Variants in PHACTR3 observed in about 807,000 individuals in gnomAD.
The protein encoded by PHACTR3 is phosphatase and actin regulator 3, also known as protein phosphatase 1, regulatory subunit 123.
PHACTR3 carries 16 observed loss-of-function variants against 66.8 expected under a neutral mutation model. The ratio of observed to expected loss-of-function variants is 0.24; its 90% confidence interval spans 0.16 to 0.36. The LOEUF is 0.36. PHACTR3 is among the 10% of genes least tolerant of loss of function. PHACTR3 has a pLI of 1.00. For synonymous variants in PHACTR3, 323 were observed against 292.1 expected, an observed-to-expected ratio of 1.11 and a Z score of -1.08; for missense variants, 647 against 719.9, an observed-to-expected ratio of 0.90 and a Z score of 1.16.
chr20:59,592,461 C>G (rs917223122), intron 1 of PHACTR3, among the ~76,000 whole-genome samples: 1 of 152,212 alleles, frequency 6.6e-6, no homozygotes, highest in African/African-American at 2.4e-5. Flanking sequence ...GAAGATCACC[C>G]ACAGTCCCTG....
intron 4 of PHACTR3, among the ~76,000 whole-genome samples, chr20:59,764,916 T>A (rs1336530347): frequency 6.6e-6 from 1 of 152,210 alleles, no homozygotes; most frequent in African/African-American, 2.4e-5. Flanking sequence ...GCTCACCCCA[T>A]GCCTGGTGGT....
intron 4 of PHACTR3, among the ~76,000 whole-genome samples, chr20:59,763,484 G>T (rs974763190): frequency 1.3e-5 from 2 of 152,208 alleles, no homozygotes; most frequent in East Asian, 3.8e-4. Context: ...ATGGGTTGAT[G>T]GTTGAATGAG....
At chr20:59,670,039 T>C (rs2036137870) in intron 1 of PHACTR3, among the ~76,000 whole-genome samples, 1 of 152,242 alleles carries the variant, frequency 6.6e-6, no homozygotes, top group Non-Finnish European at 1.5e-5. Flanking sequence ...TCTTGGGTGC[T>C]GTGCAAGGCA....
chr20:59,770,584 C>T (rs755317075), intron 5 of PHACTR3, among the ~76,000 whole-genome samples: 12 of 152,174 alleles, frequency 7.9e-5, no homozygotes, highest in East Asian at 1.9e-4. Flanking sequence ...ATCAGGGTGC[C>T]GGCAGATTTG....
At chr20:59,831,122 C>T (rs913738321) in intron 8 of PHACTR3, among the ~76,000 whole-genome samples, 4 of 152,200 alleles carry the variant, frequency 2.6e-5, no homozygotes, top group Admixed American at 6.5e-5. Context: ...GTGTGAGAGG[C>T]ACTCGGAACC....
At position 59,829,952 on chromosome 20, in the gene PHACTR3, T is replaced by C. The variant is rs2145461643; in HGVS notation, c.1329-6553T>C. ...GAAGCAAAGCTTGGGGAGCTGGAACTATGCTTCTCCTGACCCCGTGTCCTT... is the reference window on the plus strand; with the variant it reads ...GAAGCAAAGCTTGGGGAGCTGGAACCATGCTTCTCCTGACCCCGTGTCCTT... On this transcript the variant is annotated intron_variant, in intron 8 of 12. Coordinates refer to ENST00000371015, the MANE Select transcript of PHACTR3 (RefSeq NM_080672.5). The surrounding 1 kb of genome is among the most constrained non-coding windows in gnomAD (Gnocchi z 4.2). 6.6e-6 allele frequency among the ~76,000 whole-genome samples: 1 copy of C among 152,354 alleles called. No homozygotes were observed. Among genetic ancestry groups the C allele is most frequent in the Middle Eastern group, 3.4e-3 (1 of 294 alleles).
chr20:59,672,662 G>A (rs901547253), intron 1 of PHACTR3, among the ~76,000 whole-genome samples: 3 of 152,186 alleles, frequency 2.0e-5, no homozygotes, highest in African/African-American at 4.8e-5. Flanking sequence ...CGTGAGCAGC[G>A]CCATCCTGAC....
chr20:59,634,198 A>C (rs1466102351), intron 1 of PHACTR3, among the ~76,000 whole-genome samples: 2 of 152,224 alleles, frequency 1.3e-5, no homozygotes, highest in Non-Finnish European at 2.9e-5. Context: ...GAAATATTTA[A>C]GGCAATATTT....
chr20:59,804,507 C>T (rs560646729), intron 7 of PHACTR3, among the ~76,000 whole-genome samples: 3 of 152,186 alleles, frequency 2.0e-5, no homozygotes, highest in Non-Finnish European at 4.4e-5. Context: ...ATGAAGGAAT[C>T]TGTCCCGAGA....
At chr20:59,594,102 T>C (rs903463172) in intron 1 of PHACTR3, among the ~76,000 whole-genome samples, 21 of 152,226 alleles carry the variant, frequency 1.4e-4, no homozygotes, top group Admixed American at 8.5e-4. Flanking sequence ...CTTGACAATA[T>C]CCATGAACAT....
chr20:59,779,206 G>GT (rs2040641151), intron 7 of PHACTR3, among the ~76,000 whole-genome samples: 1 of 152,338 alleles, frequency 6.6e-6, no homozygotes, highest in East Asian at 1.9e-4. Context: ...TAGGGTCCCT[G>GT]AAGCCCTGAA....
intron 1 of PHACTR3, among the ~76,000 whole-genome samples, chr20:59,654,488 A>T (rs1342413330): frequency 6.6e-6 from 1 of 152,110 alleles, no homozygotes; most frequent in Non-Finnish European, 1.5e-5. Flanking sequence ...GAATGTACTG[A>T]TCTCATTTTA....
In PHACTR3 at chr20:59,743,164, C is replaced by T. The variant is rs766174994; in HGVS notation, c.176C>T (p.Thr59Ile). The change falls in exon 2 of 13, where the codon ACT becomes ATT. Residue 59 changes from threonine to isoleucine, a missense_variant. By Grantham distance (89) the Thr-to-Ile change is moderately conservative. This residue lies in a region of PHACTR3 where 577 missense variants were observed against 571.1 expected (regional missense o/e 1.01). Transcript: ENST00000371015. Reference sequence around the variant, plus strand: ...GAATATCTGGTCTCAGGGATTCGAACTCCCCCTGTGAGGAGGAACAGCAAA... The same window carrying T: ...GAATATCTGGTCTCAGGGATTCGAATTCCCCCTGTGAGGAGGAACAGCAAA... Reference protein sequence around the residue: ...RPEYLVSGIRTPPVRRNSKLA... With the variant: ...RPEYLVSGIRIPPVRRNSKLA... 2 of 1,614,100 alleles carry T rather than the reference C, an allele frequency of 1.2e-6. No homozygotes were observed.
chr20:59,711,793 G>C (rs1198245771), intron 1 of PHACTR3, among the ~76,000 whole-genome samples: 1 of 152,066 alleles, frequency 6.6e-6, no homozygotes, highest in Non-Finnish European at 1.5e-5. Context: ...CGTAAGTCAG[G>C]GATAGTCTGT....
intron 1 of PHACTR3, among the ~76,000 whole-genome samples, chr20:59,646,900 C>G (rs117811188): frequency 1.3e-5 from 2 of 152,246 alleles, no homozygotes; most frequent in African/African-American, 2.4e-5. Context: ...CAAAGATGCC[C>G]GTGTTGTGGG....
intron 7 of PHACTR3, among the ~76,000 whole-genome samples, chr20:59,782,095 G>A (rs1283233256): frequency 6.6e-6 from 1 of 152,190 alleles, no homozygotes; most frequent in East Asian, 1.9e-4. Flanking sequence ...CTTAAAAGCT[G>A]ATGTTCACCA....
chr20:59,798,329 C>G (rs1004583694), intron 7 of PHACTR3, among the ~76,000 whole-genome samples: 17 of 152,200 alleles, frequency 1.1e-4, no homozygotes, highest in African/African-American at 3.9e-4. Flanking sequence ...TCTGTTAACA[C>G]TATTACATTG....
chr20:59,839,659 C>G (rs1312265775), intron 9 of PHACTR3, among the ~76,000 whole-genome samples: 1 of 152,128 alleles, frequency 6.6e-6, no homozygotes, highest in Non-Finnish European at 1.5e-5. Context: ...TTTTTGGCTT[C>G]CAAGGGTAGG....
chr20:59,747,130 G>C (rs891877561), intron 2 of PHACTR3, among the ~76,000 whole-genome samples: 4 of 152,238 alleles, frequency 2.6e-5, no homozygotes, highest in African/African-American at 9.6e-5. Flanking sequence ...GCTCCGGGAA[G>C]GGGAGGCAGA....
Sources: gnomAD v4.1 joint callset for allele counts (sites outside exome capture counted in the v4.1 genomes callset) on GRCh38, gnomAD v4.1.1 for gene constraint, gnomAD v4.1.1 regional missense constraint, Gnocchi (gnomAD v3.1) non-coding constraint, MANE v1.5 for transcripts, NCBI Gene and HGNC (gene_info 2026-07-23, HGNC 2026-07-21) for gene names.